Variants in TRPM3 observed in about 807,000 individuals in gnomAD.
The protein encoded by TRPM3 is transient receptor potential cation channel subfamily M member 3.
A neutral mutation model predicts 181.2 loss-of-function variants in TRPM3; 77 were observed. That is an observed-to-expected ratio of 0.42 (90% CI 0.35 to 0.51). The LOEUF (loss-of-function observed/expected upper bound fraction) is 0.51, where lower values mean the gene tolerates loss of function less well. Among genes scored for constraint, TRPM3 ranks in the 20% least tolerant of loss-of-function variants. TRPM3 has a pLI of 0.01. For synonymous variants in TRPM3, 745 were observed against 796.4 expected (o/e 0.94, Z 1.09); for missense variants, 1,759 against 2,196.7 (o/e 0.80, Z 3.98).
intron 1 of TRPM3, among the ~76,000 whole-genome samples, chr9:71,117,660 C>A (rs2072708678): frequency 6.6e-6 from 1 of 152,114 alleles, no homozygotes; most frequent in African/African-American, 2.4e-5. Context: ...GACCCAGTGT[C>A]CAGGCTGACT....
At chr9:71,290,190 A>G (rs572757739) in intron 1 of TRPM3, among the ~76,000 whole-genome samples, 1 of 152,222 alleles carries the variant, frequency 6.6e-6, no homozygotes, top group Non-Finnish European at 1.5e-5. Flanking sequence ...ATACGTGAAA[A>G]GGTAATGTGA....
intron 1 of TRPM3, among the ~76,000 whole-genome samples, chr9:71,013,080 G>A (rs1369741418): frequency 6.6e-6 from 1 of 152,014 alleles, no homozygotes; most frequent in Non-Finnish European, 1.5e-5. Context: ...ATACACACAG[G>A]TCTATACATG....
At chr9:70,931,822 T>C (rs1047070890) in intron 1 of TRPM3, among the ~76,000 whole-genome samples, 1 of 152,202 alleles carries the variant, frequency 6.6e-6, no homozygotes, top group African/African-American at 2.4e-5. Context: ...AATTGATAAT[T>C]GGTGTTTAAA....
intron 1 of TRPM3, among the ~76,000 whole-genome samples, chr9:71,274,586 T>C (rs1300211581): frequency 6.6e-6 from 1 of 152,210 alleles, no homozygotes; most frequent in Admixed American, 6.5e-5. Flanking sequence ...AGGAGAATTT[T>C]CTGCAAATAA....
intron 25 of TRPM3, among the ~76,000 whole-genome samples, chr9:70,540,362 GT>G (rs1038433836): frequency 1.3e-5 from 2 of 152,212 alleles, no homozygotes; most frequent in African/African-American, 4.8e-5. Flanking sequence ...CAGAGATGAA[GT>G]TGTTGTTTTG....
chr9:71,162,205 A>G (rs2076309562), intron 1 of TRPM3, among the ~76,000 whole-genome samples: 1 of 150,558 alleles, frequency 6.6e-6, no homozygotes, highest in Admixed American at 6.6e-5. Context: ...GTCTCAAAAA[A>G]AAAAAAAAAA....
intron 1 of TRPM3, among the ~76,000 whole-genome samples, chr9:70,936,644 A>G (rs546238677): frequency 4.2e-4 from 64 of 152,318 alleles, no homozygotes; most frequent in African/African-American, 1.5e-3. Flanking sequence ...TACAGTCTTT[A>G]TCTCTCACAT....
At chr9:70,853,270 C>T (rs1317327502) in intron 3 of TRPM3, among the ~76,000 whole-genome samples, 1 of 152,188 alleles carries the variant, frequency 6.6e-6, no homozygotes, top group Non-Finnish European at 1.5e-5. Context: ...ATTATTGAAG[C>T]TACTGTTAAC....
At chr9:71,358,857 G>A (rs2092018748) in intron 1 of TRPM3, among the ~76,000 whole-genome samples, 1 of 152,120 alleles carries the variant, frequency 6.6e-6, no homozygotes, top group Non-Finnish European at 1.5e-5. Context: ...ATGCATAGGT[G>A]CTATTATTAC....
chr9:71,299,985 G>T (rs1022120332), intron 1 of TRPM3, among the ~76,000 whole-genome samples: 1 of 152,110 alleles, frequency 6.6e-6, no homozygotes. Flanking sequence ...AGTAAAGTTA[G>T]CTAGGAGCTG....
At chr9:70,985,731 T>A (rs547643948) in intron 1 of TRPM3, among the ~76,000 whole-genome samples, 1 of 152,266 alleles carries the variant, frequency 6.6e-6, no homozygotes, top group African/African-American at 2.4e-5. Context: ...AGATATAATC[T>A]CTGCACTCAT....
intron 20 of TRPM3, among the ~76,000 whole-genome samples, chr9:70,599,562 CT>C (rs1484173486): frequency 6.6e-6 from 1 of 152,186 alleles, no homozygotes; most frequent in Admixed American, 6.5e-5. Flanking sequence ...TGCAGCCATA[CT>C]GGTCATCTCT....
At chr9:71,320,120 T>C (rs2089060576) in intron 1 of TRPM3, among the ~76,000 whole-genome samples, 1 of 149,930 alleles carries the variant, frequency 6.7e-6, no homozygotes, top group Non-Finnish European at 1.5e-5. Flanking sequence ...CCAGAATATA[T>C]TGTGTTCCCT....
chr9:70,614,309 A>G (rs1399952633), intron 18 of TRPM3, among the ~76,000 whole-genome samples: 1 of 102,334 alleles, frequency 9.8e-6, no homozygotes, highest in Admixed American at 1.3e-4. Flanking sequence ...AGCCTGGGCA[A>G]TCTCTTAAAA....
At chr9:70,857,988 G>C (rs2095429500) in intron 3 of TRPM3, among the ~76,000 whole-genome samples, 1 of 152,128 alleles carries the variant, frequency 6.6e-6, no homozygotes, top group South Asian at 2.1e-4. Context: ...CAGACACACA[G>C]AGTGCTCCTG....
chr9:70,998,246 CACACAT>C (rs1405428864), intron 1 of TRPM3, among the ~76,000 whole-genome samples: 3 of 137,196 alleles, frequency 2.2e-5, no homozygotes, highest in Non-Finnish European at 4.8e-5. Context: ...CACACACACA[CACACAT>C]ATATATATAT....
chr9:70,579,994 T>G (rs962296202), intron 22 of TRPM3, among the ~76,000 whole-genome samples: 1 of 152,220 alleles, frequency 6.6e-6, no homozygotes, highest in South Asian at 2.1e-4. Context: ...CCCTGAATGC[T>G]GATTTCAGCT....
chr9:71,126,447 T>C (rs1002274749), upstream of TRPM3, among the ~76,000 whole-genome samples: 1 of 152,214 alleles, frequency 6.6e-6, no homozygotes, highest in African/African-American at 2.4e-5. Flanking sequence ...TTTACTCCAA[T>C]AGAGCTATAA....
rs369020675 is a variant in TRPM3 at position 70,744,142 on chromosome 9, AC to A, written c.1272+17458del. ...CAGGAGTTCGAGACCAGCCTGGACA[AC>A]ATGGTGAAACCCCGTCTCTACTAAA... On this transcript the variant is annotated intron_variant, in intron 8 of 25. Coordinates refer to ENST00000677713, the MANE Select transcript of TRPM3 (RefSeq NM_001366145.2). Among the ~76,000 whole-genome samples, 135 of 152,190 alleles carry A rather than the reference AC, an allele frequency of 8.9e-4. No homozygotes were observed. The East Asian group carries it at 0.025, about 28-fold the overall frequency.
Sources: allele counts gnomAD v4.1 joint callset (sites outside exome capture counted in the v4.1 genomes callset), GRCh38; gene constraint gnomAD v4.1.1; transcripts MANE v1.5; gene names NCBI Gene and HGNC (gene_info 2026-07-23, HGNC 2026-07-21).